Variants in RALGAPA2 observed in about 807,000 individuals in gnomAD.
RALGAPA2 encodes the protein Ral GTPase activating protein catalytic subunit alpha 2, also known as ral GTPase-activating protein subunit alpha-2.
RALGAPA2 carries 139 observed loss-of-function variants against 230.4 expected under a neutral mutation model. That is an observed-to-expected ratio of 0.60 (90% CI 0.53 to 0.69). The LOEUF (loss-of-function observed/expected upper bound fraction) is 0.69. RALGAPA2 is among the 30% of genes least tolerant of loss of function. The probability of loss-of-function intolerance (pLI) is 0.00; values close to 1 mark genes in which losing one functional copy is unlikely to be tolerated. For synonymous variants in RALGAPA2, 847 were observed against 837.8 expected (o/e 1.01, Z -0.19); for missense variants, 2,163 against 2,276.0 (o/e 0.95, Z 1.01).
chr20:20,515,582 C>T (rs1435112912), intron 31 of RALGAPA2, among the ~76,000 whole-genome samples: 1 of 152,160 alleles, frequency 6.6e-6, no homozygotes, highest in Non-Finnish European at 1.5e-5. Context: ...GGGAGAAGGC[C>T]TTAACCCTAC....
In RALGAPA2 at chr20:20,536,727, A is replaced by G. The variant is rs1276704159; in HGVS notation, c.3343T>C (p.Tyr1115His). 1 of 1,613,138 alleles carries G rather than the reference A, an allele frequency of 6.2e-7. No homozygotes were observed. The highest frequency in any genetic ancestry group is 8.5e-7 in the Non-Finnish European group (1 of 1,179,282). Residue 1115 changes from tyrosine (Y) to histidine (H), a missense_variant, in exon 25 of 40, where the codon TAC (tyrosine) becomes CAC (histidine). By Grantham distance (83) the Tyr-to-His change is moderately conservative. Transcript: ENST00000202677. Reference protein sequence around the residue: ...LGSLVCFPNTYQEIPLLQSVP... With the variant: ...LGSLVCFPNTHQEIPLLQSVP... Reference sequence around the variant, plus strand: ...GACTGCAGTAAAGGAATCTCCTGGTAGGTATTTGGAAAGCAGACCAGAGAG... The same window carrying G: ...GACTGCAGTAAAGGAATCTCCTGGTGGGTATTTGGAAAGCAGACCAGAGAG...
chr20:20,688,141 C>A (rs1466133322), intron 1 of RALGAPA2, among the ~76,000 whole-genome samples: 1 of 151,964 alleles, frequency 6.6e-6, no homozygotes, highest in Non-Finnish European at 1.5e-5. Flanking sequence ...ACACTCTTAT[C>A]ATCATCATCA....
At chr20:20,467,395 A>C (rs1425377045) in intron 37 of RALGAPA2, among the ~76,000 whole-genome samples, 1 of 152,156 alleles carries the variant, frequency 6.6e-6, no homozygotes, top group African/African-American at 2.4e-5. Context: ...ACATTCCAAA[A>C]TTCATCCTTT....
intron 28 of RALGAPA2, 41 bp from the exon 29 acceptor site, chr20:20,524,939 G>C: frequency 6.6e-7 from 1 of 1,518,892 alleles, no homozygotes; most frequent in Non-Finnish European, 8.9e-7. Flanking sequence ...GACCATATTT[G>C]TAAGCCTTTG....
At position 20,594,602 on chromosome 20, in the gene RALGAPA2, A is replaced by T. The variant is rs535257759; in HGVS notation, c.2204-3288T>A. Among the ~76,000 whole-genome samples the T allele has an allele frequency of 7.5e-4, 114 of 152,252 alleles. 1 individual carries two copies. Among genetic ancestry groups the T allele is most frequent in the African/African-American group, 2.6e-3 (110 of 41,544 alleles). On this transcript the variant is annotated intron_variant, in intron 16 of 39. Coordinates refer to ENST00000202677, the MANE Select transcript of RALGAPA2 (RefSeq NM_020343.4). The stretch of plus-strand genomic sequence containing the variant: ...ACTTCAAAGAGCTAAATTCTATCTT[A>T]GATTCACCAAATAATGTACTCTCTC...
intron 4 of RALGAPA2, among the ~76,000 whole-genome samples, chr20:20,645,005 T>G (rs1186833034): frequency 6.6e-6 from 1 of 152,136 alleles, no homozygotes; most frequent in African/African-American, 2.4e-5. Flanking sequence ...TGCAACATAT[T>G]CTTGGAAATA....
intron 1 of RALGAPA2, among the ~76,000 whole-genome samples, chr20:20,697,929 C>T (rs1004195854): frequency 2.6e-5 from 4 of 152,178 alleles, no homozygotes; most frequent in African/African-American, 9.7e-5. Flanking sequence ...TAAAGCCAAA[C>T]GCTCCCTTAG....
chr20:20,515,852 G>T (rs1044744076), intron 31 of RALGAPA2, among the ~76,000 whole-genome samples: 9 of 152,002 alleles, frequency 5.9e-5, no homozygotes, highest in African/African-American at 2.2e-4. Context: ...AGTGGGGCGG[G>T]GGGGGCAGGG....
intron 1 of RALGAPA2, among the ~76,000 whole-genome samples, chr20:20,698,696 GGTC>G (rs1603253612): frequency 6.6e-6 from 1 of 152,014 alleles, no homozygotes; most frequent in East Asian, 1.9e-4. Flanking sequence ...TACCGTGCCT[GGTC>G]TAAAATGATT....
At chr20:20,563,948 G>C (rs2064334627) in intron 23 of RALGAPA2, among the ~76,000 whole-genome samples, 1 of 152,000 alleles carries the variant, frequency 6.6e-6, no homozygotes, top group Non-Finnish European at 1.5e-5. Flanking sequence ...CTCAGTCCTT[G>C]TTAGCCCTCA....
At chr20:20,689,363 G>A (rs1343114556) in intron 1 of RALGAPA2, among the ~76,000 whole-genome samples, 1 of 152,166 alleles carries the variant, frequency 6.6e-6, no homozygotes, top group African/African-American at 2.4e-5. Context: ...AATAAAATAA[G>A]ACAGGAACAG....
In RALGAPA2 at chr20:20,466,242, T is replaced by C. The variant is rs2061419976; in HGVS notation, c.5495+6587A>G. Among the ~76,000 whole-genome samples the C allele has an allele frequency of 2.0e-5, 3 of 152,270 alleles. No homozygotes were observed. The South Asian group carries it at 6.2e-4, about 31-fold the overall frequency. ...AGGAGAAGTCAAAAGTCTAGATTTT[T>C]TAAAAATGCAAACTCTCCCAATTTT... On this transcript the variant is annotated intron_variant, in intron 37 of 39. Coordinates refer to ENST00000202677, the MANE Select transcript of RALGAPA2 (RefSeq NM_020343.4).
intron 14 of RALGAPA2, among the ~76,000 whole-genome samples, chr20:20,607,528 T>G (rs2146257671): frequency 6.6e-6 from 1 of 152,306 alleles, no homozygotes; most frequent in East Asian, 1.9e-4. Flanking sequence ...CTATTAATTT[T>G]TATACCCCTG....
At chr20:20,452,697 C>T (rs1234650762) in intron 37 of RALGAPA2, among the ~76,000 whole-genome samples, 2 of 152,252 alleles carry the variant, frequency 1.3e-5, no homozygotes, top group African/African-American at 4.8e-5. Context: ...CATGTTCCCA[C>T]AACAGCCTCA....
intron 1 of RALGAPA2, among the ~76,000 whole-genome samples, chr20:20,681,350 C>A (rs1430374233): frequency 6.6e-6 from 1 of 152,208 alleles, no homozygotes; most frequent in East Asian, 1.9e-4. Flanking sequence ...GACCTGCCCC[C>A]ACTCATGTAT....
chr20:20,497,927 C>G (rs147823535), intron 35 of RALGAPA2, among the ~76,000 whole-genome samples: 19 of 152,180 alleles, frequency 1.2e-4, no homozygotes, highest in African/African-American at 4.3e-4. Flanking sequence ...AAACTAAAAG[C>G]TAAGGCCATG....
Position 20,430,845 on chromosome 20 carries a change from G to A in RALGAPA2, c.5496-18697C>T, listed in dbSNP as rs1199628925. ...CAAAGGTTAAGGACAGTACATGAGC[G>A]AGAGAACTTTTTAAATGCCTCTATA... On this transcript the variant is annotated intron_variant, in intron 37 of 39. Coordinates refer to ENST00000202677, the MANE Select transcript of RALGAPA2 (RefSeq NM_020343.4). 4.6e-5 allele frequency among the ~76,000 whole-genome samples: 7 copies of A among 152,232 alleles called. No homozygotes were observed. The South Asian group carries it at 1.0e-3, about 23-fold the overall frequency.
chr20:20,623,348 ACTTTGCGC>A (rs2066381059), intron 10 of RALGAPA2, among the ~76,000 whole-genome samples: 1 of 152,132 alleles, frequency 6.6e-6, no homozygotes, highest in Non-Finnish European at 1.5e-5. Context: ...GACAAGATAG[ACTTTGCGC>A]CCCTCCTCCA....
At chr20:20,682,544 T>A (rs1360840800) in intron 1 of RALGAPA2, among the ~76,000 whole-genome samples, 1 of 152,110 alleles carries the variant, frequency 6.6e-6, no homozygotes, top group Non-Finnish European at 1.5e-5. Context: ...TCTGCACCTC[T>A]GCTGTGTGGC....
Sources: allele counts gnomAD v4.1 joint callset (sites outside exome capture counted in the v4.1 genomes callset), GRCh38; gene constraint gnomAD v4.1.1; transcripts MANE v1.5; gene names NCBI Gene and HGNC (gene_info 2026-07-23, HGNC 2026-07-21).